Variants in OSBPL5 observed in about 807,000 individuals in gnomAD.
OSBPL5 encodes the protein oxysterol binding protein like 5.
In OSBPL5, 71 loss-of-function variants were observed where a neutral mutation model predicts 111.2. That is an observed-to-expected ratio of 0.64 (90% confidence interval 0.53 to 0.78). The LOEUF is 0.78. OSBPL5 is among the 30% of genes least tolerant of loss of function. OSBPL5 has a pLI of 0.00. For missense variants in OSBPL5, 1,210 were observed against 1,189.3 expected (o/e 1.02, Z -0.26); for synonymous variants, 549 against 513.9 (o/e 1.07, Z -0.93).
At chr11:3,159,353 G>A (rs1054489158) in intron 1 of OSBPL5, among the ~76,000 whole-genome samples, 47 of 152,126 alleles carry the variant, frequency 3.1e-4, no homozygotes, top group Admixed American at 1.6e-3. Context: ...TCAGGGTAAC[G>A]AGGCCTGGTA....
intron 21 of OSBPL5, 83 bp downstream of exon 21, chr11:3,089,763 C>T (rs1856993469): frequency 1.5e-6 from 2 of 1,356,516 alleles, no homozygotes; most frequent in Non-Finnish European, 2.1e-6. Flanking sequence ...GCCTCCTGGC[C>T]TCCCCACCTC....
intron 7 of OSBPL5, among the ~76,000 whole-genome samples, chr11:3,119,182 G>A (rs755646304): frequency 2.8e-4 from 43 of 152,016 alleles, no homozygotes; most frequent in Middle Eastern, 3.4e-3. Context: ...GCTAATTTTT[G>A]TATTTTTTAG....
In OSBPL5 at chr11:3,140,376, C is replaced by A. The variant is rs931199691; in HGVS notation, c.-21-11207G>T. Among the ~76,000 whole-genome samples the A allele has an allele frequency of 6.6e-6, 1 of 152,146 alleles. No individual in the cohort carries two copies. The highest frequency in any genetic ancestry group is 2.4e-5 in the African/African-American group (1 of 41,426). Reference sequence around the variant, plus strand: ...TGGACAGGCAGGGTAGGGCTCACAGCCAAGCTAGGACACCCTTCCCAGGGC... The same window carrying A: ...TGGACAGGCAGGGTAGGGCTCACAGACAAGCTAGGACACCCTTCCCAGGGC... On this transcript the variant is annotated intron_variant, in intron 1 of 21. Coordinates refer to ENST00000263650, the MANE Select transcript of OSBPL5 (RefSeq NM_020896.4). This position sits in a 1 kb window ranked among gnomAD's most constrained non-coding sequence, Gnocchi z 4.5.
At chr11:3,151,019 A>C (rs1400611610) in intron 1 of OSBPL5, among the ~76,000 whole-genome samples, 1 of 152,148 alleles carries the variant, frequency 6.6e-6, no homozygotes, top group Non-Finnish European at 1.5e-5. Flanking sequence ...TGACCTTGGA[A>C]AGAGGGTCAC....
At chr11:3,133,607 A>G (rs528796834) in intron 1 of OSBPL5, among the ~76,000 whole-genome samples, 11 of 152,164 alleles carry the variant, frequency 7.2e-5, no homozygotes, top group Non-Finnish European at 8.8e-5. Flanking sequence ...TTCACCCCAG[A>G]GCCCCCAATG....
At chr11:3,134,520 C>T (rs1477673997) in intron 1 of OSBPL5, among the ~76,000 whole-genome samples, 1 of 152,232 alleles carries the variant, frequency 6.6e-6, no homozygotes. Context: ...CCCAGCCCCT[C>T]CTCCTGCTGC....
chr11:3,147,525 G>A (rs11025610), intron 1 of OSBPL5, among the ~76,000 whole-genome samples: 36,671 of 152,240 alleles, frequency 0.24, 5,375 homozygotes, highest in African/African-American at 0.41. Flanking sequence ...CAGCTGGGAC[G>A]GAGCAACGCA....
At chr11:3,099,093 C>T (rs1857372519) in intron 14 of OSBPL5, among the ~76,000 whole-genome samples, 1 of 152,196 alleles carries the variant, frequency 6.6e-6, no homozygotes, top group Non-Finnish European at 1.5e-5. Context: ...CATGAGCCAT[C>T]ATGCCTAGTG....
chr11:3,151,063 C>T (rs530177278), intron 1 of OSBPL5, among the ~76,000 whole-genome samples: 15 of 152,168 alleles, frequency 9.9e-5, no homozygotes, highest in Admixed American at 5.2e-4. Flanking sequence ...CTGGGGTCCA[C>T]GTGTGAAAAG....
At position 3,140,624 on chromosome 11, in the gene OSBPL5, G is replaced by A. The variant is rs533535765; in HGVS notation, c.-21-11455C>T. Among the ~76,000 whole-genome samples the A allele has an allele frequency of 1.3e-5, 2 of 152,274 alleles. No homozygotes were observed. The highest frequency in any genetic ancestry group is 4.8e-5 in the African/African-American group (2 of 41,544). On this transcript the variant is annotated intron_variant, in intron 1 of 21. Coordinates refer to ENST00000263650, the MANE Select transcript of OSBPL5 (RefSeq NM_020896.4). The surrounding 1 kb of genome is among the most constrained non-coding windows in gnomAD (Gnocchi z 4.5). ...CCAAGTACATGCTGCCCCACCAGTGGACAGGCATCGTCGTCCCGGCTCCCC... is the reference window on the plus strand; with the variant it reads ...CCAAGTACATGCTGCCCCACCAGTGAACAGGCATCGTCGTCCCGGCTCCCC...
chr11:3,126,623 T>TCACACCAGGCAGC lies in OSBPL5; in HGVS notation c.137-69_137-68insGCTGCCTGGTGTG. Reference sequence around the variant, plus strand: ...TGGCCAGGCTTCTCAGGCCGCTGCCTGGTGTGAGGCAGGCGAAGCGTGGGT... The same window carrying TCACACCAGGCAGC: ...TGGCCAGGCTTCTCAGGCCGCTGCCTCACACCAGGCAGCGGTGTGAGGCAGGCGAAGCGTGGGT... On this transcript the variant is annotated intron_variant, in intron 2 of 21. Transcript: ENST00000263650. The surrounding 1 kb of genome is among the most constrained non-coding windows in gnomAD (Gnocchi z 6.5). The TCACACCAGGCAGC allele has an allele frequency of 1.4e-6, 2 of 1,408,054 alleles. No individual in the cohort carries two copies. The highest frequency in any genetic ancestry group is 1.9e-6 in the Non-Finnish European group (2 of 1,034,954). The allele number at this position is 1,408,054 out of a possible 1,614,324, so 87.2% of individuals were successfully genotyped here.
chr11:3,137,123 C>T (rs1365869597), intron 1 of OSBPL5, among the ~76,000 whole-genome samples: 2 of 152,180 alleles, frequency 1.3e-5, no homozygotes, highest in Non-Finnish European at 2.9e-5. Context: ...ATGCAAGTGA[C>T]CATGAAGATC....
intron 1 of OSBPL5, among the ~76,000 whole-genome samples, chr11:3,156,044 C>T (rs1038699972): frequency 1.1e-4 from 17 of 152,374 alleles, no homozygotes; most frequent in Non-Finnish European, 1.8e-4. Context: ...ATTCCTCCCA[C>T]AGCCCTATGC....
chr11:3,103,174 G>A, intron 11 of OSBPL5, 65 bp downstream of exon 11: 2 of 1,441,002 alleles, frequency 1.4e-6, no homozygotes, highest in Non-Finnish European at 1.9e-6. Context: ...AGTGCCAAGG[G>A]ACGAGGGCTG....
At chr11:3,118,457 T>C (rs747273059) in intron 7 of OSBPL5, among the ~76,000 whole-genome samples, 9 of 152,206 alleles carry the variant, frequency 5.9e-5, no homozygotes, top group Non-Finnish European at 7.3e-5. Context: ...TGATGTCTCA[T>C]ATCTCCCTAA....
Position 3,129,060 on chromosome 11 carries a change from C to G in OSBPL5, c.89G>C (p.Arg30Pro). The G allele has an allele frequency of 6.3e-7, 1 of 1,586,452 alleles. No individual in the cohort carries two copies. The highest frequency in any genetic ancestry group is 1.1e-5 in the South Asian group (1 of 88,226). Residue 30 changes from arginine to proline, a missense_variant, in exon 2 of 22, where the codon CGG becomes CCG. Transcript: ENST00000263650. The stretch of plus-strand genomic sequence containing the variant: ...ATTGTCTCCGCTGAGGAGCAAGTTC[C>G]GGGTGAGCTTCCGGGGGTCGACTTT... The part of the protein sequence containing the change: ...PQKVDPRKLT[R>P]NLLLSGDNEL...
At position 3,140,417 on chromosome 11, in the gene OSBPL5, A is replaced by G. The variant is rs1182721145; in HGVS notation, c.-21-11248T>C. Among the ~76,000 whole-genome samples, 1 of 152,132 alleles carries G rather than the reference A, an allele frequency of 6.6e-6. No homozygotes were observed. The highest frequency in any genetic ancestry group is 1.5e-5 in the Non-Finnish European group (1 of 67,994). ...TTCCCAGGGCCAAGGCAGCCCAGGA[A>G]AAGCCAGCACAGCGTGTCCTCCTGA... On this transcript the variant is annotated intron_variant, in intron 1 of 21. Transcript: ENST00000263650. The surrounding 1 kb of genome is among the most constrained non-coding windows in gnomAD (Gnocchi z 4.5).
chr11:3,120,349 C>T, intron 6 of OSBPL5, 72 bp downstream of exon 6: 1 of 1,533,054 alleles, frequency 6.5e-7, no homozygotes, highest in Non-Finnish European at 8.8e-7. Context: ...GCTCCACCCT[C>T]CACCAGGGCC....
chr11:3,121,881 G>T lies in OSBPL5; in HGVS notation c.402+116C>A. 1.1e-6 allele frequency: 1 copy of T among 876,092 alleles called. No individual in the cohort carries two copies. Among genetic ancestry groups the T allele is most frequent in the Non-Finnish European group, 1.8e-6 (1 of 559,704 alleles). The allele number at this position is 876,092 out of a possible 1,614,324, so 54.3% of individuals were successfully genotyped here. On this transcript the variant is annotated intron_variant, in intron 5 of 21. Transcript: ENST00000263650. The surrounding 1 kb of genome is among the most constrained non-coding windows in gnomAD (Gnocchi z 4.3). ...AGGAGCAGAGGCTGCAGTGATAACG[G>T]CTAGATGCAGGGAAGTGAATTTCCA...
Sources: allele counts gnomAD v4.1 joint callset (sites outside exome capture counted in the v4.1 genomes callset), GRCh38; gene constraint gnomAD v4.1.1; non-coding constraint Gnocchi (gnomAD v3.1); transcripts MANE v1.5; gene names NCBI Gene and HGNC (gene_info 2026-07-23, HGNC 2026-07-21).